The following STK32A variants were observed in gnomAD, a reference collection of about 807,000 sequenced individuals.
STK32A encodes the protein serine/threonine-protein kinase 32A.
STK32A carries 41 observed loss-of-function variants against 53.2 expected under a neutral mutation model. The observed-to-expected ratio is 0.77, with a 90% CI of 0.60 to 1.00. The LOEUF (loss-of-function observed/expected upper bound fraction) is 1.00, where lower values mean the gene tolerates loss of function less well. STK32A is among the 50% of genes least tolerant of loss of function. STK32A has a pLI of 0.00. For missense variants in STK32A, 458 were observed against 485.8 expected, an observed-to-expected ratio of 0.94 and a Z score of 0.54; for synonymous variants, 166 against 162.8, an observed-to-expected ratio of 1.02 and a Z score of -0.15.
intron 4 of STK32A, among the ~76,000 whole-genome samples, chr5:147,303,975 T>G (rs1753270480): frequency 6.6e-6 from 1 of 152,166 alleles, no homozygotes; most frequent in Non-Finnish European, 1.5e-5. Flanking sequence ...CATCCTTTAT[T>G]GAAAACAACG....
chr5:147,375,311 C>T, intron 11 of STK32A, 93 bp downstream of exon 11: 5 of 1,465,606 alleles, frequency 3.4e-6, no homozygotes, highest in East Asian at 2.5e-5. Context: ...ATTTCAGCTT[C>T]CTGCTTTTGC....
chr5:147,399,856 A>G, the STK32A span, among the ~76,000 whole-genome samples: 1 of 152,212 alleles, frequency 6.6e-6, no homozygotes, highest in Non-Finnish European at 1.5e-5. Flanking sequence ...GCAGTATATG[A>G]AAAAGGAAAC....
chr5:147,279,459 G>T, intron 4 of STK32A, 61 bp downstream of exon 4: 1 of 1,464,860 alleles, frequency 6.8e-7, no homozygotes, highest in Non-Finnish European at 9.2e-7. Context: ...GCTAGGGGAG[G>T]TCCCCAAATG....
rs373265374 is a variant in STK32A at position 147,239,658 on chromosome 5, A to T, written c.24A>T (p.Lys8Asn). 73 of 1,609,240 alleles carry T rather than the reference A, an allele frequency of 4.5e-5. No homozygotes were observed. In the Middle Eastern group the frequency reaches 4.9e-4, roughly 11 times the overall value. Residue 8 changes from lysine to asparagine, a missense_variant, in exon 2 of 13, where the codon AAA becomes AAT. By Grantham distance (94) the Lys-to-Asn change is moderately conservative. Transcript: ENST00000397936. ...CCATGGGAGCGAACACTTCAAGAAA[A>T]CCACCAGTGTTTGATGAAAATGAAG... MGANTSR[K>N]PPVFDENEDV... is the part of the protein sequence containing the mutation.
At chr5:147,383,530 A>G in intron 12 of STK32A, 25 bp downstream of exon 12, 1 of 1,545,038 alleles carries the variant, frequency 6.5e-7, no homozygotes, top group South Asian at 1.2e-5. Flanking sequence ...GGAGAACAAC[A>G]GCCCCAGAAA....
At chr5:147,399,087 G>A in the STK32A span, 1 of 1,614,014 alleles carries the variant, frequency 6.2e-7, no homozygotes, top group Non-Finnish European at 8.5e-7. Flanking sequence ...CTTACAGACT[G>A]GTGGTTCTTG....
intron 2 of STK32A, among the ~76,000 whole-genome samples, chr5:147,256,501 G>GT (rs1336336967): frequency 3.3e-5 from 5 of 152,150 alleles, no homozygotes; most frequent in Non-Finnish European, 5.9e-5. Context: ...TTAAGTCTTT[G>GT]TTTTTTTGTT....
At chr5:147,275,566 C>A (rs1306077759) in intron 2 of STK32A, among the ~76,000 whole-genome samples, 1 of 152,158 alleles carries the variant, frequency 6.6e-6, no homozygotes, top group Non-Finnish European at 1.5e-5. Context: ...TCAAGCAATG[C>A]TCCTGCCTCG....
chr5:147,381,884 G>T (rs1408326439), intron 11 of STK32A, among the ~76,000 whole-genome samples: 1 of 152,046 alleles, frequency 6.6e-6, no homozygotes, highest in Non-Finnish European at 1.5e-5. Flanking sequence ...CCAATCTTTT[G>T]GCTTCCCTGG....
intron 4 of STK32A, among the ~76,000 whole-genome samples, chr5:147,299,863 A>G (rs1342755456): frequency 6.6e-6 from 1 of 152,216 alleles, no homozygotes; most frequent in Non-Finnish European, 1.5e-5. Flanking sequence ...TCACGATGAT[A>G]ATGAGCCAGG....
intron 2 of STK32A, among the ~76,000 whole-genome samples, chr5:147,245,624 GT>G (rs1187277198): frequency 1.3e-5 from 2 of 152,124 alleles, no homozygotes; most frequent in African/African-American, 4.8e-5. Flanking sequence ...GTGTATCCAA[GT>G]TTATACAAAG....
At chr5:147,375,354 G>A in intron 11 of STK32A, 136 bp downstream of exon 11, 1 of 1,206,212 alleles carries the variant, frequency 8.3e-7, no homozygotes, top group Non-Finnish European at 1.1e-6. Context: ...AGATCAGCCG[G>A]GTTTCTAAAA....
At chr5:147,262,598 C>G (rs114256365) in intron 2 of STK32A, among the ~76,000 whole-genome samples, 2 of 76,126 alleles carry the variant, frequency 2.6e-5, no homozygotes, top group Admixed American at 3.1e-4. Context: ...AAAAACAAAA[C>G]AAAACAAAAA....
chr5:147,273,897 C>T (rs1755148892), intron 2 of STK32A, among the ~76,000 whole-genome samples: 2 of 152,134 alleles, frequency 1.3e-5, no homozygotes, highest in Non-Finnish European at 2.9e-5. Context: ...GTACCCTCAA[C>T]TGTATACACT....
chr5:147,313,191 T>C (rs1753790457), intron 4 of STK32A, among the ~76,000 whole-genome samples: 1 of 151,940 alleles, frequency 6.6e-6, no homozygotes. Flanking sequence ...ACTATGAATA[T>C]GCCACAGCAC....
chr5:147,268,133 T>C (rs959249987), intron 2 of STK32A, among the ~76,000 whole-genome samples: 7 of 56,122 alleles, frequency 1.2e-4, no homozygotes, highest in African/African-American at 4.9e-4. Flanking sequence ...GGACCATTTA[T>C]GTGGCTCTCA....
intron 9 of STK32A, among the ~76,000 whole-genome samples, chr5:147,371,746 T>A (rs778412196): frequency 3.3e-5 from 5 of 152,190 alleles, no homozygotes; most frequent in Non-Finnish European, 5.9e-5. Flanking sequence ...TTGACGGTTG[T>A]TGAACTCAAG....
chr5:147,236,315 T>G (rs1753316352), intron 1 of STK32A, among the ~76,000 whole-genome samples: 1 of 152,124 alleles, frequency 6.6e-6, no homozygotes, highest in Non-Finnish European at 1.5e-5. Context: ...CCTTTTACAT[T>G]TCATATGCTT....
intron 2 of STK32A, among the ~76,000 whole-genome samples, chr5:147,245,443 T>C (rs1753737407): frequency 6.6e-6 from 1 of 152,258 alleles, no homozygotes. Context: ...TTTCTCTATC[T>C]GAATGCACTA....
Sources: gnomAD v4.1 joint callset for allele counts (sites outside exome capture counted in the v4.1 genomes callset) on GRCh38, gnomAD v4.1.1 for gene constraint, MANE v1.5 for transcripts, NCBI Gene and HGNC (gene_info 2026-07-23, HGNC 2026-07-21) for gene names.